The following EXOC2 variants were observed in gnomAD, a reference collection of about 807,000 sequenced individuals.
EXOC2 encodes the protein SEC5-like 1.
In EXOC2, 70 loss-of-function variants were observed where a neutral mutation model predicts 131.8. That is an observed-to-expected ratio of 0.53 (90% CI 0.44 to 0.65). The LOEUF (loss-of-function observed/expected upper bound fraction) is 0.65. Ranked by LOEUF, EXOC2 falls within the 30% of genes least tolerant of loss-of-function variation. The pLI is 0.00. For missense variants in EXOC2, 923 were observed against 1,108.6 expected, an observed-to-expected ratio of 0.83 and a Z score of 2.38; for synonymous variants, 411 against 398.4, an observed-to-expected ratio of 1.03 and a Z score of -0.38.
chr6:604,361 G>A (rs370025546), intron 7 of EXOC2, among the ~76,000 whole-genome samples: 4 of 152,010 alleles, frequency 2.6e-5, no homozygotes, highest in Non-Finnish European at 5.9e-5. Flanking sequence ...TAGCAGCCAC[G>A]TCACCCTCAC....
intron 1 of EXOC2, among the ~76,000 whole-genome samples, chr6:678,367 T>C (rs1258602111): frequency 6.6e-6 from 1 of 152,228 alleles, no homozygotes; most frequent in African/African-American, 2.4e-5. Flanking sequence ...AATGGAATCA[T>C]GTGTACCAAA....
rs114730378 is a variant in EXOC2, at chr6:627,740, A to C, written c.422+2095T>G. ...TGGTTCTTTCCTTAATTATGAGTTA[A>C]ATAAAAGCTCTGACATCTATTTATT... On this transcript the variant is annotated intron_variant, in intron 4 of 27. Coordinates refer to ENST00000230449, the MANE Select transcript of EXOC2 (RefSeq NM_018303.6). 1.8e-3 allele frequency among the ~76,000 whole-genome samples: 271 copies of C among 152,284 alleles called. 4 individuals carry two copies. Among genetic ancestry groups the C allele is most frequent in the African/African-American group, 6.2e-3 (259 of 41,550 alleles).
Position 598,857 on chromosome 6 carries a change from T to TA in EXOC2, c.970+2dup. 6.2e-7 allele frequency: 1 copy of TA among 1,606,680 alleles called. No individual in the cohort carries two copies. On this transcript the variant is annotated splice_region_variant and intron_variant, in intron 9 of 27. Transcript: ENST00000230449. ...AGATCTAAAAGTAATACATGAATCT[T>TA]ACATTTCTTGAAAACTTGCACCTCC...
intron 11 of EXOC2, among the ~76,000 whole-genome samples, chr6:582,549 C>T (rs566152137): frequency 2.1e-5 from 3 of 141,230 alleles, no homozygotes; most frequent in East Asian, 4.7e-4. Context: ...AAACACGGGC[C>T]GGGAGCCTCC....
At chr6:573,315 T>C (rs1758389868) in intron 12 of EXOC2, among the ~76,000 whole-genome samples, 1 of 152,226 alleles carries the variant, frequency 6.6e-6, no homozygotes, top group Admixed American at 6.5e-5. Flanking sequence ...AAAGCAAGTG[T>C]AGAAATTCAG....
At chr6:566,458 G>A (rs149565263) in intron 13 of EXOC2, among the ~76,000 whole-genome samples, 29 of 152,342 alleles carry the variant, frequency 1.9e-4, no homozygotes, top group African/African-American at 6.3e-4. Flanking sequence ...TGGTGCTGCA[G>A]TGAGGAAGGA....
chr6:604,684 G>A (rs1222754058), intron 7 of EXOC2, among the ~76,000 whole-genome samples: 1 of 151,900 alleles, frequency 6.6e-6, no homozygotes, highest in Non-Finnish European at 1.5e-5. Context: ...CCTGGGCTGC[G>A]GCCTATCTCC....
intron 4 of EXOC2, among the ~76,000 whole-genome samples, chr6:627,752 G>C (rs1167332358): frequency 6.6e-6 from 1 of 152,064 alleles, no homozygotes; most frequent in Non-Finnish European, 1.5e-5. Flanking sequence ...TAAAAGCTCT[G>C]ACATCTATTT....
chr6:556,596 A>G, intron 17 of EXOC2, 32 bp from the exon 18 acceptor site: 1 of 1,611,806 alleles, frequency 6.2e-7, no homozygotes, highest in Non-Finnish European at 8.5e-7. Context: ...GTAAAACTCA[A>G]AAATGAGCAC....
chr6:589,020 A>G lies in EXOC2; in HGVS notation c.1192+3449T>C, dbSNP rs543764230. On this transcript the variant is annotated intron_variant, in intron 11 of 27. Transcript: ENST00000230449. ...GAATTTTTCCAGTTTCAAAAAGTCC[A>G]TATGTTGTCTTCATAAATTACACAC... Among the ~76,000 whole-genome samples, 6 of 152,342 alleles carry G rather than the reference A, an allele frequency of 3.9e-5. No homozygotes were observed. In the East Asian group the frequency reaches 9.6e-4, roughly 24 times the overall value.
In EXOC2 at chr6:616,385, C is replaced by T. The variant is rs555332977; in HGVS notation, c.661+1326G>A. ...TTGGGAGGCCGAGGCGGGCGGATCA[C>T]GAGGTCAGGAGATCGAGACCATCCT... On this transcript the variant is annotated intron_variant, in intron 6 of 27. Transcript: ENST00000230449. Among the ~76,000 whole-genome samples the T allele has an allele frequency of 3.3e-5, 5 of 152,150 alleles. No homozygotes were observed. In the East Asian group the frequency reaches 7.8e-4, roughly 24 times the overall value.
chr6:540,945 G>C (rs577790538), intron 22 of EXOC2, among the ~76,000 whole-genome samples: 1 of 152,292 alleles, frequency 6.6e-6, no homozygotes, highest in South Asian at 2.1e-4. Flanking sequence ...AGAGATCAAA[G>C]TCCAAACCAA....
intron 1 of EXOC2, among the ~76,000 whole-genome samples, chr6:687,647 C>T (rs1431793541): frequency 6.6e-6 from 1 of 152,100 alleles, no homozygotes; most frequent in East Asian, 1.9e-4. Context: ...TTTATTCAGT[C>T]AAATAAATGT....
intron 1 of EXOC2, among the ~76,000 whole-genome samples, chr6:686,529 G>C (rs1764663195): frequency 6.6e-6 from 1 of 152,152 alleles, no homozygotes; most frequent in Non-Finnish European, 1.5e-5. Flanking sequence ...GAGATGACTA[G>C]GAAGGAATAC....
At position 680,845 on chromosome 6, in the gene EXOC2, T is replaced by C. The variant is rs1442000094; in HGVS notation, c.-44+12174A>G. Among the ~76,000 whole-genome samples the C allele has an allele frequency of 2.0e-5, 3 of 152,210 alleles. No homozygotes were observed. In the East Asian group the frequency reaches 5.8e-4, roughly 29 times the overall value. On this transcript the variant is annotated intron_variant, in intron 1 of 27. Coordinates refer to ENST00000230449, the MANE Select transcript of EXOC2 (RefSeq NM_018303.6). ...CAATCTTCAGTGGGCTTGCCTGGGC[T>C]TGTCATCATATTCTTTCTTCACTCT...
intron 1 of EXOC2, chr6:689,146 T>C (rs1764800604): frequency 6.6e-6 from 1 of 152,210 alleles, no homozygotes; most frequent in Non-Finnish European, 1.5e-5. Flanking sequence ...CACCTTCTCC[T>C]AAGCTGAAAT....
intron 11 of EXOC2, among the ~76,000 whole-genome samples, chr6:591,235 A>G (rs1759523123): frequency 6.6e-6 from 1 of 152,090 alleles, no homozygotes; most frequent in African/African-American, 2.4e-5. Flanking sequence ...CATCTTTTCA[A>G]AAGTAAGTCT....
At chr6:621,933 T>C (rs763470397) in intron 4 of EXOC2, among the ~76,000 whole-genome samples, 1 of 152,144 alleles carries the variant, frequency 6.6e-6, no homozygotes, top group Non-Finnish European at 1.5e-5. Flanking sequence ...AGTTAGAGCT[T>C]TGGGGGAATA....
intron 22 of EXOC2, among the ~76,000 whole-genome samples, chr6:541,530 C>T (rs964594282): frequency 1.3e-5 from 2 of 151,690 alleles, no homozygotes; most frequent in Non-Finnish European, 2.9e-5. Flanking sequence ...TACAAACAAG[C>T]GATAGTAAGT....
Sources: allele counts gnomAD v4.1 joint callset (sites outside exome capture counted in the v4.1 genomes callset), GRCh38; gene constraint gnomAD v4.1.1; transcripts MANE v1.5; gene names NCBI Gene and HGNC (gene_info 2026-07-23, HGNC 2026-07-21).